The following PTPRT variants were observed in gnomAD, a reference collection of about 807,000 sequenced individuals.
PTPRT encodes receptor-type tyrosine-protein phosphatase T.
In PTPRT, 56 loss-of-function variants were observed where a neutral mutation model predicts 176.8. The ratio of observed to expected loss-of-function variants is 0.32; its 90% confidence interval spans 0.26 to 0.40. PTPRT has a LOEUF of 0.40. Among genes scored for constraint, PTPRT ranks in the 10% least tolerant of loss-of-function variants. The pLI is 1.00. For synonymous variants in PTPRT, 783 were observed against 739.0 expected, an observed-to-expected ratio of 1.06 and a Z score of -0.96; for missense variants, 1,540 against 1,908.2, an observed-to-expected ratio of 0.81 and a Z score of 3.60.
intron 1 of PTPRT, among the ~76,000 whole-genome samples, chr20:42,916,800 C>G (rs75990689): frequency 1.3e-5 from 2 of 151,956 alleles, no homozygotes; most frequent in South Asian, 2.1e-4. Context: ...TTGCCCACTT[C>G]TTGATGGGGT....
At chr20:42,215,637 C>T (rs181251798) in intron 15 of PTPRT, among the ~76,000 whole-genome samples, 5 of 84,168 alleles carry the variant, frequency 5.9e-5, no homozygotes, top group Non-Finnish European at 1.3e-4. Flanking sequence ...CGAAACCAAA[C>T]CAGCCAGTGG....
At chr20:42,195,656 T>C (rs1991185907) in intron 16 of PTPRT, among the ~76,000 whole-genome samples, 1 of 152,218 alleles carries the variant, frequency 6.6e-6, no homozygotes, top group Non-Finnish European at 1.5e-5. Context: ...TTTCTAATAA[T>C]TGAGTATAAT....
At chr20:42,448,794 GGAA>G (rs1601044440) in intron 8 of PTPRT, among the ~76,000 whole-genome samples, 1 of 151,684 alleles carries the variant, frequency 6.6e-6, no homozygotes, top group Non-Finnish European at 1.5e-5. Context: ...GGGCCACATT[GGAA>G]GAAGAATTAT....
chr20:43,141,991 G>A lies in PTPRT; in HGVS notation c.88+47655C>T, dbSNP rs528322070. Among the ~76,000 whole-genome samples the A allele has an allele frequency of 6.6e-5, 10 of 152,300 alleles. No homozygotes were observed. In the South Asian group the frequency reaches 8.3e-4, roughly 13 times the overall value. On this transcript the variant is annotated intron_variant, in intron 1 of 30. Coordinates refer to ENST00000373187, the MANE Select transcript of PTPRT (RefSeq NM_007050.6). ...ACACACAGAAGAAAAAGCATGCGAC[G>A]TGGAGTACAGAAGACTCAAGTCTAA...
At chr20:42,366,289 C>T (rs975341515) in intron 9 of PTPRT, among the ~76,000 whole-genome samples, 1 of 152,234 alleles carries the variant, frequency 6.6e-6, no homozygotes, top group Non-Finnish European at 1.5e-5. Context: ...GGTGCCCAGG[C>T]TTGTTATCTG....
intron 11 of PTPRT, among the ~76,000 whole-genome samples, chr20:42,345,592 G>T (rs1429012084): frequency 7.6e-6 from 1 of 131,656 alleles, no homozygotes; most frequent in Non-Finnish European, 1.7e-5. Flanking sequence ...ATGTGTGTGT[G>T]TGTGTGTGTG....
intron 27 of PTPRT, among the ~76,000 whole-genome samples, chr20:42,094,655 C>G (rs987725847): frequency 6.6e-6 from 1 of 152,142 alleles, no homozygotes; most frequent in African/African-American, 2.4e-5. Flanking sequence ...TTTGGGAGGC[C>G]AAGATCAGCA....
chr20:42,208,520 A>G (rs1388666587), intron 15 of PTPRT, among the ~76,000 whole-genome samples: 1 of 152,088 alleles, frequency 6.6e-6, no homozygotes, highest in Non-Finnish European at 1.5e-5. Flanking sequence ...CCGACTTTAA[A>G]CCAACAAAGA....
At chr20:42,933,144 A>G (rs1979970506) in intron 1 of PTPRT, among the ~76,000 whole-genome samples, 1 of 152,096 alleles carries the variant, frequency 6.6e-6, no homozygotes, top group Admixed American at 6.6e-5. Flanking sequence ...TGCACCCAAC[A>G]GCCTTGCACA....
chr20:42,847,202 C>T (rs943913031), intron 2 of PTPRT, among the ~76,000 whole-genome samples: 4 of 152,194 alleles, frequency 2.6e-5, no homozygotes, highest in South Asian at 2.1e-4. Flanking sequence ...AGAGCACCCA[C>T]GGGGATGGAA....
chr20:42,993,810 G>A (rs929938906), intron 1 of PTPRT, among the ~76,000 whole-genome samples: 4 of 151,896 alleles, frequency 2.6e-5, no homozygotes, highest in Admixed American at 6.6e-5. Context: ...CACCTTTCTG[G>A]TAGGATTCAG....
chr20:42,157,570 T>A lies in PTPRT; in HGVS notation c.2682+3782A>T, dbSNP rs1200292680. On this transcript the variant is annotated intron_variant, in intron 17 of 30. Transcript: ENST00000373187. ...CATGTCGGCCAGGCTGGTCTTGAACTCCTGACCTCAGGCAATCCACCCACC... is the reference window on the plus strand; with the variant it reads ...CATGTCGGCCAGGCTGGTCTTGAACACCTGACCTCAGGCAATCCACCCACC... 3.3e-5 allele frequency among the ~76,000 whole-genome samples: 5 copies of A among 152,092 alleles called. No homozygotes were observed. The East Asian group carries it at 7.7e-4, about 23-fold the overall frequency.
At chr20:43,003,186 A>T (rs6030601) in intron 1 of PTPRT, among the ~76,000 whole-genome samples, 46,014 of 151,810 alleles carry the variant, frequency 0.3, 7,334 homozygotes, top group African/African-American at 0.39. Context: ...TATTTGCTTA[A>T]TTTTATTGAT....
At chr20:42,879,884 A>T (rs1055320878) in intron 2 of PTPRT, among the ~76,000 whole-genome samples, 9 of 152,156 alleles carry the variant, frequency 5.9e-5, no homozygotes, top group African/African-American at 1.9e-4. Context: ...GTGTAGGAAA[A>T]ATAGAAGAAG....
At chr20:42,775,371 C>G (rs1054271686) in intron 4 of PTPRT, among the ~76,000 whole-genome samples, 1 of 152,050 alleles carries the variant, frequency 6.6e-6, no homozygotes, top group Non-Finnish European at 1.5e-5. Flanking sequence ...TCTGTGGGCT[C>G]GGGGACACGG....
intron 1 of PTPRT, among the ~76,000 whole-genome samples, chr20:43,116,270 T>C (rs1422738977): frequency 6.6e-6 from 1 of 152,116 alleles, no homozygotes; most frequent in Non-Finnish European, 1.5e-5. Context: ...TACCACTGAC[T>C]CTCAGATACC....
rs1231566673 is a variant in PTPRT, at chr20:42,951,678, G to A, written c.89-65746C>T. ...AGAGGAGTGCAACATCTATTACCAT[G>A]ATCCAGGTGAGAGCTGATGGTAGCT... On this transcript the variant is annotated intron_variant, in intron 1 of 30. Transcript: ENST00000373187. 2.6e-5 allele frequency among the ~76,000 whole-genome samples: 4 copies of A among 152,150 alleles called. No individual in the cohort carries two copies. In the East Asian group the frequency reaches 7.7e-4, roughly 29 times the overall value.
intron 9 of PTPRT, among the ~76,000 whole-genome samples, chr20:42,411,534 AAAAAAAG>A (rs2059018109): frequency 6.7e-6 from 1 of 150,030 alleles, no homozygotes; most frequent in South Asian, 2.1e-4. Context: ...AAAAAAAAAA[AAAAAAAG>A]AAAAAAGAAA....
intron 6 of PTPRT, among the ~76,000 whole-genome samples, chr20:42,744,283 A>C (rs1454348397): frequency 6.6e-6 from 1 of 152,216 alleles, no homozygotes; most frequent in Non-Finnish European, 1.5e-5. Flanking sequence ...ACCCCTTCCC[A>C]TAACACAGAA....
Sources: gnomAD v4.1 joint callset for allele counts (sites outside exome capture counted in the v4.1 genomes callset) on GRCh38, gnomAD v4.1.1 for gene constraint, MANE v1.5 for transcripts, NCBI Gene and HGNC (gene_info 2026-07-23, HGNC 2026-07-21) for gene names.